Variants in TAF4 observed in about 807,000 individuals in gnomAD.
The protein encoded by TAF4 is TATA-box binding protein associated factor 4.
A neutral mutation model predicts 90.3 loss-of-function variants in TAF4; 9 were observed. That is an observed-to-expected ratio of 0.10 (90% CI 0.06 to 0.17). TAF4 has a LOEUF of 0.17. Ranked by LOEUF, TAF4 falls within the 10% of genes least tolerant of loss-of-function variation. The probability of loss-of-function intolerance (pLI) is 1.00; values close to 1 mark genes in which losing one functional copy is unlikely to be tolerated. For missense variants in TAF4, 1,351 were observed against 1,370.7 expected, an observed-to-expected ratio of 0.99 and a Z score of 0.23; for synonymous variants, 818 against 638.9, an observed-to-expected ratio of 1.28 and a Z score of -4.23.
In TAF4 at chr20:61,976,165, G is replaced by C; in HGVS notation, c.*3C>G. 2 of 1,613,666 alleles carry C rather than the reference G, an allele frequency of 1.2e-6. No individual in the cohort carries two copies. Among genetic ancestry groups the C allele is most frequent in the Non-Finnish European group, 1.7e-6 (2 of 1,179,696 alleles). ...ATAAAAAGTCCCCAGGCGTCCTCCT[G>C]TGTCACTTAAGGAATGCTTTGTAGA... is the stretch of plus-strand genomic sequence containing the variant. On this transcript the variant is annotated 3_prime_UTR_variant, in exon 15 of 15. Coordinates refer to ENST00000252996, the MANE Select transcript of TAF4 (RefSeq NM_003185.4).
intron 1 of TAF4, among the ~76,000 whole-genome samples, chr20:62,043,744 C>T (rs1466097499): frequency 2.0e-5 from 3 of 152,196 alleles, no homozygotes; most frequent in African/African-American, 4.8e-5. Flanking sequence ...AGCCAGGGGC[C>T]GCACCACACA....
At position 62,009,040 on chromosome 20, in the gene TAF4, A is replaced by C; in HGVS notation, c.1884+12T>G. 6.2e-7 allele frequency: 1 copy of C among 1,609,398 alleles called. No individual in the cohort carries two copies. The highest frequency in any genetic ancestry group is 2.2e-5 in the East Asian group (1 of 44,828). On this transcript the variant is annotated intron_variant, in intron 5 of 14. Coordinates refer to ENST00000252996, the MANE Select transcript of TAF4 (RefSeq NM_003185.4). Reference sequence around the variant, plus strand: ...TTTAGGGGAAAGGGAATGTAAAGTCAAGGTTTCTCACCAGTAAATTCTGCA... The same window carrying C: ...TTTAGGGGAAAGGGAATGTAAAGTCCAGGTTTCTCACCAGTAAATTCTGCA...
intron 9 of TAF4, 65 bp from the exon 10 acceptor site, chr20:62,000,786 G>A (rs1213704620): frequency 2.5e-6 from 4 of 1,577,700 alleles, no homozygotes; most frequent in Non-Finnish European, 2.6e-6. Flanking sequence ...GGGCTGGGGT[G>A]GTAAGGGCAG....
chr20:62,018,034 A>G (rs1349546441), intron 1 of TAF4, among the ~76,000 whole-genome samples: 2 of 152,186 alleles, frequency 1.3e-5, no homozygotes, highest in Non-Finnish European at 2.9e-5. Flanking sequence ...TGTGGTCAGG[A>G]AAGTTGGAGA....
At chr20:62,021,231 TA>T (rs1030686370) in intron 1 of TAF4, among the ~76,000 whole-genome samples, 17 of 152,142 alleles carry the variant, frequency 1.1e-4, no homozygotes, top group African/African-American at 4.1e-4. Flanking sequence ...GTATATTCTG[TA>T]AGAAGGGAGA....
rs138216073 is a variant in TAF4, at chr20:61,976,012, C to T, written c.*156G>A. ...CTTTGTGTTCTCTCTGTTACAGAAA[C>T]GTGTTTTCTTTCACACTGAAGAGCT... is the stretch of plus-strand genomic sequence containing the variant. On this transcript the variant is annotated 3_prime_UTR_variant, in exon 15 of 15. Transcript: ENST00000252996. 5.9e-3 allele frequency: 4,393 copies of T among 739,508 alleles called. 22 individuals are homozygous for T. The highest frequency in any genetic ancestry group is 7.7e-3 in the Non-Finnish European group (3,537 of 457,194). 45.8% of individuals were successfully genotyped at this position (739,508 alleles called of 1,614,324 possible). A position where few individuals can be genotyped will look rare whatever the true frequency, so the allele number is the denominator to read the frequency against.
At chr20:62,021,288 C>A (rs2055841401) in intron 1 of TAF4, among the ~76,000 whole-genome samples, 1 of 152,230 alleles carries the variant, frequency 6.6e-6, no homozygotes, top group Non-Finnish European at 1.5e-5. Flanking sequence ...AAGACAGGAT[C>A]CAGGAAACAT....
intron 9 of TAF4, among the ~76,000 whole-genome samples, chr20:62,002,188 A>G (rs1387368019): frequency 2.6e-5 from 4 of 152,066 alleles, no homozygotes; most frequent in African/African-American, 9.7e-5. Context: ...CTCCCTTCTC[A>G]CTGAAGTATC....
intron 1 of TAF4, among the ~76,000 whole-genome samples, chr20:62,027,703 C>G (rs1363879260): frequency 6.6e-6 from 1 of 152,172 alleles, no homozygotes; most frequent in African/African-American, 2.4e-5. Flanking sequence ...CATTGGATTC[C>G]TAAAAAAATC....
At chr20:61,982,089 A>C (rs2055547246) in intron 14 of TAF4, among the ~76,000 whole-genome samples, 1 of 66,866 alleles carries the variant, frequency 1.5e-5, no homozygotes. Context: ...AGGAGACACC[A>C]AACCCACACA....
chr20:62,019,277 G>A (rs1011855453), intron 1 of TAF4, among the ~76,000 whole-genome samples: 10 of 152,328 alleles, frequency 6.6e-5, no homozygotes, highest in South Asian at 4.1e-4. Context: ...CTTGGAAGCC[G>A]TAAGGACCAC....
In TAF4 at chr20:61,997,666, G is replaced by A; in HGVS notation, c.2974C>T (p.Gln992Ter). Residue 992 changes from glutamine to a stop codon, truncating the protein, a stop_gained, in exon 14 of 15, where the codon CAG becomes TAG. Coordinates refer to ENST00000252996, the MANE Select transcript of TAF4 (RefSeq NM_003185.4). LOFTEE classifies it high-confidence loss of function. ...LRLKQKAKEM[Q>*]QQELAQMRQR... Reference sequence around the variant, plus strand: ...CTCATTTGTGCCAGTTCCTGTTGCTGCATCTTTTATTTTGAAAAGGAGACA... The same window carrying A: ...CTCATTTGTGCCAGTTCCTGTTGCTACATCTTTTATTTTGAAAAGGAGACA... 6.2e-7 allele frequency: 1 copy of A among 1,609,878 alleles called. No homozygotes were observed. The highest frequency in any genetic ancestry group is 1.7e-5 in the Admixed American group (1 of 58,930).
At chr20:62,015,514 TCTTTCCCGAGTGAA>T in intron 1 of TAF4, among the ~76,000 whole-genome samples, 1 of 152,314 alleles carries the variant, frequency 6.6e-6, no homozygotes, top group South Asian at 2.1e-4. Flanking sequence ...AACACTGCAC[TCTTTCCCGAGTGAA>T]GCCTCGGCAG....
At chr20:61,992,942 C>T (rs1239828263) in intron 14 of TAF4, among the ~76,000 whole-genome samples, 2 of 152,180 alleles carry the variant, frequency 1.3e-5, no homozygotes, top group East Asian at 1.9e-4. Flanking sequence ...GAGATCACAA[C>T]GGTAAAAAAT....
chr20:62,014,758 G>A, intron 1 of TAF4, 51 bp from the exon 2 acceptor site: 3 of 1,598,748 alleles, frequency 1.9e-6, no homozygotes, highest in Non-Finnish European at 2.5e-6. Context: ...CCAGAGCCAT[G>A]AGGAGGCCCT....
chr20:61,977,099 G>A (rs1391011732), intron 14 of TAF4, among the ~76,000 whole-genome samples: 7 of 143,398 alleles, frequency 4.9e-5, no homozygotes, highest in African/African-American at 7.8e-5. Flanking sequence ...ACCGCCCAGC[G>A]GGGCACGCGC....
intron 1 of TAF4, among the ~76,000 whole-genome samples, chr20:62,051,372 G>A (rs536393338): frequency 1.2e-4 from 18 of 152,260 alleles, no homozygotes; most frequent in South Asian, 4.1e-4. Context: ...GTCACCGCCC[G>A]GCCTGGCTAC....
At chr20:61,986,025 T>C (rs1318696043) in intron 14 of TAF4, among the ~76,000 whole-genome samples, 177 of 83,936 alleles carry the variant, frequency 2.1e-3, no homozygotes, top group Middle Eastern at 7.2e-3. Context: ...CCATCCCCCA[T>C]CAAAGGAAAC....
At chr20:62,053,894 T>G (rs1042979593) in intron 1 of TAF4, among the ~76,000 whole-genome samples, 1 of 152,224 alleles carries the variant, frequency 6.6e-6, no homozygotes, top group African/African-American at 2.4e-5. Context: ...TCTTGGCCAC[T>G]TGAAGCCCTT....
Sources: allele counts gnomAD v4.1 joint callset (sites outside exome capture counted in the v4.1 genomes callset), GRCh38; gene constraint gnomAD v4.1.1; transcripts MANE v1.5; gene names NCBI Gene and HGNC (gene_info 2026-07-23, HGNC 2026-07-21).